The following COL23A1 variants were observed in gnomAD, a reference collection of about 807,000 sequenced individuals.
COL23A1 encodes the protein collagen alpha-1(XXIII) chain.
COL23A1 carries 97 observed loss-of-function variants against 99.3 expected under a neutral mutation model. The ratio of observed to expected loss-of-function variants is 0.98; its 90% CI spans 0.83 to 1.16. The LOEUF is 1.16. Ranked by LOEUF, COL23A1 falls within the 50% of genes most tolerant of loss-of-function variation. The pLI is 0.00. For missense variants in COL23A1, 762 were observed against 757.4 expected, an observed-to-expected ratio of 1.01 and a Z score of -0.07; for synonymous variants, 320 against 308.2, an observed-to-expected ratio of 1.04 and a Z score of -0.40.
intron 2 of COL23A1, among the ~76,000 whole-genome samples, chr5:178,326,782 C>G (rs553629670): frequency 6.6e-6 from 1 of 152,202 alleles, no homozygotes; most frequent in Non-Finnish European, 1.5e-5. Flanking sequence ...TGCAGTGGCG[C>G]GATTTCGGCT....
intron 2 of COL23A1, among the ~76,000 whole-genome samples, chr5:178,460,521 G>C (rs1302861549): frequency 6.6e-6 from 1 of 152,196 alleles, no homozygotes; most frequent in Admixed American, 6.5e-5. Context: ...GCTTCTGTGA[G>C]AGGGCGAAAT....
rs140961169 is a variant in COL23A1 at position 178,259,122 on chromosome 5, T to C, written c.729+599A>G. On this transcript the variant is annotated intron_variant, in intron 12 of 28. Coordinates refer to ENST00000390654, the MANE Select transcript of COL23A1 (RefSeq NM_173465.4). ...TTTTAGGAGAGATGGGGTTTCATCA[T>C]GTTGGCCAGGCTGGTCTTGAACTCC... 3.7e-3 allele frequency among the ~76,000 whole-genome samples: 569 copies of C among 152,182 alleles called. 3 individuals are homozygous for C. Among genetic ancestry groups the C allele is most frequent in the African/African-American group, 0.013 (540 of 41,516 alleles).
intron 2 of COL23A1, among the ~76,000 whole-genome samples, chr5:178,409,700 T>C (rs1764964783): frequency 6.6e-6 from 1 of 152,178 alleles, no homozygotes; most frequent in Non-Finnish European, 1.5e-5. Flanking sequence ...CAGTGAAGAA[T>C]AAATTGACAA....
At chr5:178,399,216 G>A (rs1407503246) in intron 2 of COL23A1, among the ~76,000 whole-genome samples, 1 of 152,250 alleles carries the variant, frequency 6.6e-6, no homozygotes, top group African/African-American at 2.4e-5. Flanking sequence ...CCCAGGACCT[G>A]CCTTCTGCTG....
intron 2 of COL23A1, among the ~76,000 whole-genome samples, chr5:178,488,552 G>C (rs1160746747): frequency 6.6e-6 from 1 of 152,002 alleles, no homozygotes; most frequent in Non-Finnish European, 1.5e-5. Context: ...TGCAACATGA[G>C]ACCTATCGTT....
In COL23A1 at chr5:178,547,474, C is replaced by T. The variant is rs1239156093; in HGVS notation, c.361+13208G>A. ...GCACGTGTGGGCACACACACCCACA[C>T]ACCCACACACACACCCACACATCCC... is the stretch of plus-strand genomic sequence containing the variant. On this transcript the variant is annotated intron_variant, in intron 2 of 28. Transcript: ENST00000390654. Among the ~76,000 whole-genome samples the T allele has an allele frequency of 7.4e-4, 107 of 145,226 alleles. 2 individuals carry two copies. In the South Asian group the frequency reaches 0.024, roughly 32 times the overall value.
chr5:178,358,429 G>GTGTA (rs139832568), intron 2 of COL23A1, among the ~76,000 whole-genome samples: 18,185 of 148,672 alleles, frequency 0.12, 1,176 homozygotes, highest in Non-Finnish European at 0.14. Flanking sequence ...GTGTGTGTAT[G>GTGTA]TGTATGTGTG....
At chr5:178,405,043 C>T (rs1764682591) in intron 2 of COL23A1, among the ~76,000 whole-genome samples, 1 of 152,260 alleles carries the variant, frequency 6.6e-6, no homozygotes, top group South Asian at 2.1e-4. Flanking sequence ...GCCATGATCC[C>T]TCCTCAGGCT....
At chr5:178,452,120 G>T (rs969237621) in intron 2 of COL23A1, among the ~76,000 whole-genome samples, 8 of 152,134 alleles carry the variant, frequency 5.3e-5, no homozygotes, top group Non-Finnish European at 1.0e-4. Flanking sequence ...GTATTATAAA[G>T]TCTAGGTAAT....
At chr5:178,247,458 T>C in intron 22 of COL23A1, 68 bp downstream of exon 22, 7 of 1,579,410 alleles carry the variant, frequency 4.4e-6, no homozygotes, top group Non-Finnish European at 6.1e-6. Context: ...CTTTGCCCAT[T>C]GGCAAGGCTC....
At chr5:178,272,990 C>T (rs1467379626) in intron 5 of COL23A1, among the ~76,000 whole-genome samples, 1 of 152,214 alleles carries the variant, frequency 6.6e-6, no homozygotes, top group Non-Finnish European at 1.5e-5. Flanking sequence ...AAGACCTTGC[C>T]TAGGGCCATG....
chr5:178,469,958 C>A (rs1756651856), intron 2 of COL23A1, among the ~76,000 whole-genome samples: 1 of 152,202 alleles, frequency 6.6e-6, no homozygotes, highest in Admixed American at 6.5e-5. Flanking sequence ...TCATGGCAAT[C>A]ATCACAGTTC....
chr5:178,420,615 T>C (rs184063484), intron 2 of COL23A1, among the ~76,000 whole-genome samples: 558 of 8,590 alleles, frequency 0.065, 36 homozygotes, highest in African/African-American at 0.14. Context: ...TCCCCCCCTT[T>C]CCTCCTCCCC....
At chr5:178,542,874 AGT>A (rs1761370079) in intron 2 of COL23A1, among the ~76,000 whole-genome samples, 1 of 152,212 alleles carries the variant, frequency 6.6e-6, no homozygotes, top group South Asian at 2.1e-4. Flanking sequence ...AATTTTTAAA[AGT>A]GTGTTTATAC....
chr5:178,269,220 A>G (rs916887279), intron 6 of COL23A1, among the ~76,000 whole-genome samples: 16 of 151,946 alleles, frequency 1.1e-4, no homozygotes, highest in Non-Finnish European at 2.2e-4. Context: ...AAAAAAAAAA[A>G]GCATTCTCTT....
At chr5:178,399,871 G>A (rs990279259) in intron 2 of COL23A1, among the ~76,000 whole-genome samples, 11 of 152,100 alleles carry the variant, frequency 7.2e-5, no homozygotes, top group African/African-American at 2.2e-4. Context: ...GAATAACGAC[G>A]GCCGCATGGT....
At position 178,246,248 on chromosome 5, in the gene COL23A1, G is replaced by A. The variant is rs1004735968; in HGVS notation, c.1413+6C>T. 1.6e-5 allele frequency: 25 copies of A among 1,553,222 alleles called. No individual in the cohort carries two copies. Among genetic ancestry groups the A allele is most frequent in the African/African-American group, 9.6e-5 (7 of 73,254 alleles). Reference sequence around the variant, plus strand: ...TTGGAGAGGGAGTTCCGAATGAGGCGGTTACCTTCTCTCCTTTGGTTCCTG... The same window carrying A: ...TTGGAGAGGGAGTTCCGAATGAGGCAGTTACCTTCTCTCCTTTGGTTCCTG... On this transcript the variant is annotated splice_donor_region_variant and intron_variant, in intron 24 of 28. Transcript: ENST00000390654.
At chr5:178,498,249 T>A (rs1173388036) in intron 2 of COL23A1, among the ~76,000 whole-genome samples, 1 of 57,764 alleles carries the variant, frequency 1.7e-5, no homozygotes, top group African/African-American at 1.2e-4. Flanking sequence ...TATATATATA[T>A]ATATATATAA....
At chr5:178,282,113 G>C (rs1285534573) in intron 5 of COL23A1, among the ~76,000 whole-genome samples, 1 of 150,854 alleles carries the variant, frequency 6.6e-6, no homozygotes, top group African/African-American at 2.4e-5. Context: ...GCCCTGCTCC[G>C]TTCAGCTGCT....
Sources: gnomAD v4.1 joint callset for allele counts (sites outside exome capture counted in the v4.1 genomes callset) on GRCh38, gnomAD v4.1.1 for gene constraint, MANE v1.5 for transcripts, NCBI Gene and HGNC (gene_info 2026-07-23, HGNC 2026-07-21) for gene names.